Variants in FOXP1 observed in about 807,000 individuals in gnomAD.
The protein encoded by FOXP1 is forkhead box P1.
In FOXP1, 15 loss-of-function variants were observed where a neutral mutation model predicts 98.2. The ratio of observed to expected loss-of-function variants is 0.15; its 90% CI spans 0.10 to 0.24. The LOEUF (loss-of-function observed/expected upper bound fraction) is 0.24, where lower values mean the gene tolerates loss of function less well. Ranked by LOEUF, FOXP1 falls within the 10% of genes least tolerant of loss-of-function variation. FOXP1 has a pLI of 1.00. For synonymous variants in FOXP1, 371 were observed against 314.5 expected (o/e 1.18, Z -1.90); for missense variants, 633 against 848.5 (o/e 0.75, Z 3.15).
chr3:71,429,147 C>T (rs1348834774), intron 3 of FOXP1, among the ~76,000 whole-genome samples: 5 of 152,090 alleles, frequency 3.3e-5, no homozygotes, highest in African/African-American at 1.2e-4. Context: ...TGCCCTCATG[C>T]TCTGCATGGC....
chr3:71,582,128 G>C, intron 1 of FOXP1: 1 of 984,954 alleles, frequency 1.0e-6, no homozygotes, highest in South Asian at 4.7e-5. Flanking sequence ...AGGGGGGCAT[G>C]CGACTTTGTT....
chr3:71,275,085 T>C (rs2070755135), intron 5 of FOXP1, among the ~76,000 whole-genome samples: 1 of 152,230 alleles, frequency 6.6e-6, no homozygotes, highest in Admixed American at 6.5e-5. Flanking sequence ...CCAAAAATAT[T>C]CTGTACACAA....
chr3:71,465,319 AAAAAAAAG>A (rs746826416), intron 3 of FOXP1, among the ~76,000 whole-genome samples: 22 of 134,450 alleles, frequency 1.6e-4, no homozygotes, highest in Non-Finnish European at 2.5e-4. Flanking sequence ...GAAAAAAAAA[AAAAAAAAG>A]AAGAAGAAGA....
At chr3:71,497,650 C>T (rs1211203270) in intron 2 of FOXP1, among the ~76,000 whole-genome samples, 1 of 152,148 alleles carries the variant, frequency 6.6e-6, no homozygotes, top group Non-Finnish European at 1.5e-5. Context: ...AACAGATACC[C>T]CAGGTAACTC....
chr3:70,955,810 A>G lies in FOXP1; in HGVS notation c.*3437T>C, dbSNP rs1446377760. ...AAGGGATAGGAATGTATCAAAAAAC[A>G]GATTAACACACACGCACGCGCGCAC... On this transcript the variant is annotated 3_prime_UTR_variant, in exon 21 of 21. Coordinates refer to ENST00000649528, the MANE Select transcript of FOXP1 (RefSeq NM_001349338.3). The G allele has an allele frequency of 2.2e-5, 5 of 231,222 alleles. No individual in the cohort carries two copies. Among genetic ancestry groups the G allele is most frequent in the Middle Eastern group, 1.3e-3 (1 of 788 alleles). 14.3% of individuals were successfully genotyped at this position (231,222 alleles called of 1,614,324 possible). A position where few individuals can be genotyped will look rare whatever the true frequency, so the allele number is the denominator to read the frequency against.
Position 71,581,689 on chromosome 3 carries a change from T to C in FOXP1, c.-438A>G. On this transcript the variant is annotated 5_prime_UTR_variant, in exon 2 of 21. Coordinates refer to ENST00000649528, the MANE Select transcript of FOXP1 (RefSeq NM_001349338.3). ...CGCGCGCTCTCTTCCTCTTACAAAC[T>C]TTCGGGTTCTGCAGTCGACAAGAAA... 1.0e-6 allele frequency: 1 copy of C among 985,708 alleles called. No individual in the cohort carries two copies. The highest frequency in any genetic ancestry group is 1.2e-6 in the Non-Finnish European group (1 of 830,080). 61.1% of individuals were successfully genotyped at this position (985,708 alleles called of 1,614,324 possible). A position where few individuals can be genotyped will look rare whatever the true frequency, so the allele number is the denominator to read the frequency against.
chr3:71,350,108 T>C (rs1192850422), intron 4 of FOXP1, among the ~76,000 whole-genome samples: 1 of 152,182 alleles, frequency 6.6e-6, no homozygotes, highest in African/African-American at 2.4e-5. Flanking sequence ...ATGGCTCACC[T>C]GTACAAAAAT....
intron 14 of FOXP1, among the ~76,000 whole-genome samples, chr3:70,981,181 CTCTT>C (rs538754294): frequency 4.4e-5 from 5 of 113,108 alleles, no homozygotes; most frequent in African/African-American, 1.4e-4. Context: ...ACCACTAGGA[CTCTT>C]TCTACCAAAA....
intron 2 of FOXP1, among the ~76,000 whole-genome samples, chr3:71,563,959 G>C (rs1020343519): frequency 6.6e-6 from 1 of 152,228 alleles, no homozygotes; most frequent in Admixed American, 6.5e-5. Flanking sequence ...CAGTATGCCA[G>C]ATTATCAGTA....
intron 6 of FOXP1, among the ~76,000 whole-genome samples, chr3:71,127,363 T>C (rs2107883414): frequency 6.6e-6 from 1 of 152,354 alleles, no homozygotes; most frequent in East Asian, 1.9e-4. Context: ...TGACTTGATT[T>C]TTGTGGAAGT....
At chr3:71,429,334 G>C (rs1184773887) in intron 3 of FOXP1, among the ~76,000 whole-genome samples, 1 of 151,978 alleles carries the variant, frequency 6.6e-6, no homozygotes, top group Non-Finnish European at 1.5e-5. Context: ...ATTCTTTAAG[G>C]AAAAAAACTT....
intron 3 of FOXP1, among the ~76,000 whole-genome samples, chr3:71,365,139 G>A (rs769611311): frequency 6.6e-6 from 1 of 152,130 alleles, no homozygotes; most frequent in Non-Finnish European, 1.5e-5. Flanking sequence ...CATTGATTGA[G>A]GGTTTTGCAC....
chr3:71,357,278 T>C (rs946516310), intron 4 of FOXP1, among the ~76,000 whole-genome samples: 19 of 152,202 alleles, frequency 1.2e-4, no homozygotes, highest in Admixed American at 2.0e-4. Flanking sequence ...GCTTTATAGC[T>C]CTCTTAATAA....
At chr3:71,525,163 G>C (rs1458831372) in intron 2 of FOXP1, among the ~76,000 whole-genome samples, 1 of 152,094 alleles carries the variant, frequency 6.6e-6, no homozygotes, top group Non-Finnish European at 1.5e-5. Flanking sequence ...TTTCATGAAA[G>C]TGCGCCACAC....
At chr3:71,286,364 T>C (rs1241312589) in intron 5 of FOXP1, among the ~76,000 whole-genome samples, 3 of 125,602 alleles carry the variant, frequency 2.4e-5, no homozygotes, top group Admixed American at 1.0e-4. Flanking sequence ...GGGAGCCTCA[T>C]AGAAACTCAG....
chr3:71,580,245 G>A (rs1039167400), intron 2 of FOXP1, among the ~76,000 whole-genome samples: 28 of 151,774 alleles, frequency 1.8e-4, no homozygotes, highest in African/African-American at 6.8e-4. Flanking sequence ...TCTAAGGGGG[G>A]TGGGGGATGC....
At chr3:71,161,593 T>C (rs553383292) in intron 6 of FOXP1, among the ~76,000 whole-genome samples, 15 of 152,294 alleles carry the variant, frequency 9.8e-5, no homozygotes, top group African/African-American at 3.4e-4. Context: ...AGACTCTACC[T>C]CTTGAAGAAA....
chr3:71,316,486 G>A (rs2075080418), intron 4 of FOXP1, among the ~76,000 whole-genome samples: 1 of 152,046 alleles, frequency 6.6e-6, no homozygotes, highest in African/African-American at 2.4e-5. Flanking sequence ...CCTAGAGAAT[G>A]CCACTACCCG....
chr3:71,107,516 C>T (rs964047910), intron 7 of FOXP1, among the ~76,000 whole-genome samples: 9 of 152,022 alleles, frequency 5.9e-5, no homozygotes, highest in Admixed American at 1.3e-4. Flanking sequence ...CATGTGATAA[C>T]AGTAACATCT....
Sources: gnomAD v4.1 joint callset for allele counts (sites outside exome capture counted in the v4.1 genomes callset) on GRCh38, gnomAD v4.1.1 for gene constraint, MANE v1.5 for transcripts, NCBI Gene and HGNC (gene_info 2026-07-23, HGNC 2026-07-21) for gene names.